The following EPHA4 variants were observed in gnomAD, a reference collection of about 807,000 sequenced individuals.
EPHA4 encodes the protein ephrin type-A receptor 4.
In EPHA4, 19 loss-of-function variants were observed where a neutral mutation model predicts 108.3. The observed-to-expected ratio is 0.18, with a 90% CI of 0.12 to 0.26. EPHA4 has a LOEUF of 0.26. EPHA4 is among the 10% of genes least tolerant of loss of function. The pLI is 1.00. For synonymous variants in EPHA4, 449 were observed against 455.5 expected, an observed-to-expected ratio of 0.99 and a Z score of 0.18; for missense variants, 917 against 1,254.0, an observed-to-expected ratio of 0.73 and a Z score of 4.06.
intron 2 of EPHA4, 30 bp from the exon 3 acceptor site, chr2:221,564,424 T>C (rs753406728): frequency 1.3e-6 from 2 of 1,579,466 alleles, no homozygotes; most frequent in African/African-American, 1.4e-5. Context: ...ATGTATCAAC[T>C]ACAAAGTTTC....
rs1248873615 is a variant in EPHA4, at chr2:221,455,572, T to C, written c.1690A>G (p.Ile564Val). The stretch of plus-strand genomic sequence containing the variant: ...CTCCGGCTGATGACAAAAGCTGCAA[T>C]GAGAATTACCACCAGCACCACACTG... Reference protein sequence around the residue: ...SGSVVLVVILIAAFVISRRRS... With the variant: ...SGSVVLVVILVAAFVISRRRS... Residue 564 changes from isoleucine to valine, a missense_variant, in exon 8 of 18, where the codon ATT (isoleucine) becomes GTT (valine). By Grantham distance (29) the Ile-to-Val change is conservative. Transcript: ENST00000281821. The C allele has an allele frequency of 6.2e-7, 1 of 1,613,496 alleles. No individual in the cohort carries two copies. The highest frequency in any genetic ancestry group is 2.2e-5 in the East Asian group (1 of 44,812).
chr2:221,562,488 G>C (rs1360248201), intron 3 of EPHA4, among the ~76,000 whole-genome samples: 1 of 152,182 alleles, frequency 6.6e-6, no homozygotes, highest in African/African-American at 2.4e-5. Context: ...CATTAGAATG[G>C]TTGAAATGCC....
chr2:221,428,182 T>C (rs1446223395), intron 15 of EPHA4, among the ~76,000 whole-genome samples: 3 of 152,230 alleles, frequency 2.0e-5, no homozygotes, highest in Non-Finnish European at 4.4e-5. Context: ...AAAGCATTAA[T>C]GAGGAAGATG....
intron 3 of EPHA4, among the ~76,000 whole-genome samples, chr2:221,525,370 C>T (rs757297878): frequency 1.3e-5 from 2 of 152,074 alleles, no homozygotes; most frequent in African/African-American, 2.4e-5. Flanking sequence ...TGGAGGAAAA[C>T]GAGTTACCAT....
intron 5 of EPHA4, among the ~76,000 whole-genome samples, chr2:221,479,513 C>A (rs182156427): frequency 1.1e-3 from 161 of 152,286 alleles, no homozygotes; most frequent in African/African-American, 3.8e-3. Flanking sequence ...GAGTGAGACA[C>A]CATTGCCTAT....
Position 221,473,130 on chromosome 2 carries a change from C to T in EPHA4, c.1318+9222G>A, listed in dbSNP as rs1177428009. On this transcript the variant is annotated intron_variant, in intron 5 of 17. Coordinates refer to ENST00000281821, the MANE Select transcript of EPHA4 (RefSeq NM_004438.5). ...GCACCATCTCTCGTTTTTATCATTG[C>T]CGTTTCAGGGGAGCCTGGGGAACCT... Among the ~76,000 whole-genome samples the T allele has an allele frequency of 2.6e-5, 4 of 152,236 alleles. No individual in the cohort carries two copies. The East Asian group carries it at 5.8e-4, about 22-fold the overall frequency.
intron 5 of EPHA4, among the ~76,000 whole-genome samples, chr2:221,475,876 T>C (rs945337936): frequency 4.6e-5 from 7 of 152,224 alleles, no homozygotes; most frequent in Non-Finnish European, 8.8e-5. Flanking sequence ...CATAGCTTGC[T>C]GACCCCTGCT....
chr2:221,543,263 T>C (rs997016097), intron 3 of EPHA4, among the ~76,000 whole-genome samples: 1 of 152,236 alleles, frequency 6.6e-6, no homozygotes, highest in African/African-American at 2.4e-5. Context: ...CTGTGGTACA[T>C]TCAGGCAACA....
intron 3 of EPHA4, among the ~76,000 whole-genome samples, chr2:221,545,079 C>T (rs1414305509): frequency 1.3e-5 from 2 of 152,176 alleles, no homozygotes; most frequent in African/African-American, 4.8e-5. Context: ...TGATAAGTCT[C>T]CCAAAGGTAT....
At chr2:221,497,899 G>A (rs1418914369) in intron 4 of EPHA4, among the ~76,000 whole-genome samples, 1 of 152,156 alleles carries the variant, frequency 6.6e-6, no homozygotes, top group Non-Finnish European at 1.5e-5. Flanking sequence ...AATGACTTCT[G>A]AAACATGCAA....
chr2:221,480,234 C>T (rs1691779623), intron 5 of EPHA4, among the ~76,000 whole-genome samples: 1 of 152,096 alleles, frequency 6.6e-6, no homozygotes, highest in African/African-American at 2.4e-5. Context: ...CAAGCCTGTC[C>T]TCAGCGCATC....
At chr2:221,557,686 C>A (rs943913118) in intron 3 of EPHA4, among the ~76,000 whole-genome samples, 5 of 137,002 alleles carry the variant, frequency 3.6e-5, no homozygotes, top group Non-Finnish European at 8.0e-5. Flanking sequence ...TTCATAAACA[C>A]GATTTAAAAA....
intron 3 of EPHA4, among the ~76,000 whole-genome samples, chr2:221,544,608 C>T (rs1693932220): frequency 6.6e-6 from 1 of 152,046 alleles, no homozygotes; most frequent in Admixed American, 6.5e-5. Flanking sequence ...TTACAGGCCA[C>T]CACGCTACAG....
chr2:221,551,469 ACTTCT>A (rs1430923027), intron 3 of EPHA4, among the ~76,000 whole-genome samples: 1 of 152,184 alleles, frequency 6.6e-6, no homozygotes, highest in African/African-American at 2.4e-5. Context: ...GTAAAACATT[ACTTCT>A]CTTCAGTAAA....
At chr2:221,548,855 G>T (rs907672318) in intron 3 of EPHA4, among the ~76,000 whole-genome samples, 2 of 152,116 alleles carry the variant, frequency 1.3e-5, no homozygotes, top group African/African-American at 4.8e-5. Flanking sequence ...TCATAATTGA[G>T]ATTAGCATCC....
chr2:221,538,717 A>G (rs997407057), intron 3 of EPHA4, among the ~76,000 whole-genome samples: 3 of 152,222 alleles, frequency 2.0e-5, no homozygotes, highest in East Asian at 1.9e-4. Flanking sequence ...TAAATTTATG[A>G]CATTTCTAGT....
At chr2:221,557,718 A>G (rs1694345672) in intron 3 of EPHA4, among the ~76,000 whole-genome samples, 1 of 152,248 alleles carries the variant, frequency 6.6e-6, no homozygotes, top group Non-Finnish European at 1.5e-5. Context: ...AGTAGAAATC[A>G]TGAACAAGGA....
chr2:221,472,669 A>C (rs1218314240), intron 5 of EPHA4, among the ~76,000 whole-genome samples: 1 of 152,234 alleles, frequency 6.6e-6, no homozygotes, highest in Non-Finnish European at 1.5e-5. Flanking sequence ...GGAAGATATG[A>C]ATCAAAAAGG....
At chr2:221,520,368 A>C (rs1693124202) in intron 3 of EPHA4, among the ~76,000 whole-genome samples, 2 of 152,348 alleles carry the variant, frequency 1.3e-5, no homozygotes, top group South Asian at 4.1e-4. Flanking sequence ...TACACTGGGG[A>C]ATCAGAATTC....
Sources: allele counts gnomAD v4.1 joint callset (sites outside exome capture counted in the v4.1 genomes callset), GRCh38; gene constraint gnomAD v4.1.1; transcripts MANE v1.5; gene names NCBI Gene and HGNC (gene_info 2026-07-23, HGNC 2026-07-21).